FGF12: variants seen among roughly 807,000 people sequenced by gnomAD.
The protein encoded by FGF12 is fibroblast growth factor 12B.
FGF12 carries 14 observed loss-of-function variants against 23.6 expected under a neutral mutation model. That is an observed-to-expected ratio of 0.59 (90% confidence interval 0.39 to 0.93). The LOEUF (loss-of-function observed/expected upper bound fraction) is 0.93. Ranked by LOEUF, FGF12 falls within the 40% of genes least tolerant of loss-of-function variation. The probability of loss-of-function intolerance (pLI) is 0.00; values close to 1 mark genes in which losing one functional copy is unlikely to be tolerated. For missense variants in FGF12, 175 were observed against 217.8 expected (o/e 0.80, Z 1.24); for synonymous variants, 62 against 77.3 (o/e 0.80, Z 1.04).
intron 2 of FGF12, among the ~76,000 whole-genome samples, chr3:192,678,934 C>T (rs1717420636): frequency 6.6e-6 from 1 of 152,102 alleles, no homozygotes; most frequent in Non-Finnish European, 1.5e-5. Context: ...CCTTGCTGGG[C>T]CTACTCCAGA....
At chr3:192,442,838 C>T (rs1313929371) in intron 2 of FGF12, among the ~76,000 whole-genome samples, 1 of 148,066 alleles carries the variant, frequency 6.8e-6, no homozygotes, top group Non-Finnish European at 1.5e-5. Flanking sequence ...GACAGAGTCT[C>T]ATTCTGTCAC....
chr3:192,169,538 C>G (rs944758218), intron 5 of FGF12, among the ~76,000 whole-genome samples: 1 of 152,068 alleles, frequency 6.6e-6, no homozygotes, highest in Admixed American at 6.6e-5. Flanking sequence ...ATGCACCAGG[C>G]ATTGTGTACA....
intron 2 of FGF12, among the ~76,000 whole-genome samples, chr3:192,679,096 A>G (rs1339444759): frequency 6.6e-6 from 1 of 152,198 alleles, no homozygotes; most frequent in Non-Finnish European, 1.5e-5. Context: ...ATTTTAAGCG[A>G]AAAAGAAATG....
intron 2 of FGF12, among the ~76,000 whole-genome samples, chr3:192,579,695 G>A (rs4687345): frequency 0.16 from 24,134 of 152,108 alleles, 2,445 homozygotes; most frequent in East Asian, 0.45. Context: ...TCAGCCTCCC[G>A]AGTAGCTGGG....
intron 2 of FGF12, among the ~76,000 whole-genome samples, chr3:192,589,459 C>T (rs1713533664): frequency 6.6e-6 from 1 of 151,712 alleles, no homozygotes; most frequent in South Asian, 2.1e-4. Flanking sequence ...TAAAGACTTG[C>T]AAATCACAAT....
chr3:192,581,333 AGG>A (rs1199277341), intron 2 of FGF12, among the ~76,000 whole-genome samples: 1 of 151,862 alleles, frequency 6.6e-6, no homozygotes, highest in Non-Finnish European at 1.5e-5. Context: ...TGGGAGGCTG[AGG>A]CAGGAGGATG....
intron 2 of FGF12, among the ~76,000 whole-genome samples, chr3:192,607,938 A>G (rs1000354523): frequency 1.3e-5 from 2 of 151,980 alleles, no homozygotes; most frequent in Non-Finnish European, 2.9e-5. Context: ...TGAATTCCGC[A>G]TCACAAAAAC....
At chr3:192,421,142 T>C (rs1054160031) in intron 2 of FGF12, among the ~76,000 whole-genome samples, 9 of 152,120 alleles carry the variant, frequency 5.9e-5, no homozygotes, top group Admixed American at 3.3e-4. Flanking sequence ...ATGCACAGTA[T>C]TATCTTTAAA....
At chr3:192,669,048 G>A (rs1053606507) in intron 2 of FGF12, among the ~76,000 whole-genome samples, 1 of 152,116 alleles carries the variant, frequency 6.6e-6, no homozygotes, top group Non-Finnish European at 1.5e-5. Context: ...AAAATTGTTA[G>A]AGCATAAAAG....
At chr3:192,720,739 T>C (rs1719014973) in intron 2 of FGF12, among the ~76,000 whole-genome samples, 1 of 152,184 alleles carries the variant, frequency 6.6e-6, no homozygotes, top group African/African-American at 2.4e-5. Flanking sequence ...AGAAGTCCTA[T>C]AGTGCTCCTG....
intron 2 of FGF12, among the ~76,000 whole-genome samples, chr3:192,726,222 A>C (rs1408102079): frequency 1.3e-5 from 2 of 152,216 alleles, no homozygotes; most frequent in African/African-American, 4.8e-5. Context: ...TCTTGTTTCA[A>C]ATATAGCTTC....
intron 4 of FGF12, among the ~76,000 whole-genome samples, chr3:192,203,392 A>C (rs1717476993): frequency 1.3e-5 from 2 of 152,104 alleles, no homozygotes; most frequent in African/African-American, 4.8e-5. Context: ...ATTCATTTGC[A>C]CATATCCTTA....
chr3:192,452,399 T>C (rs1722550405), intron 2 of FGF12, among the ~76,000 whole-genome samples: 1 of 144,224 alleles, frequency 6.9e-6, no homozygotes. Flanking sequence ...TTAATGGATT[T>C]GATTTGTCAG....
At chr3:192,346,033 T>G (rs947274005) in intron 3 of FGF12, among the ~76,000 whole-genome samples, 1 of 109,094 alleles carries the variant, frequency 9.2e-6, no homozygotes, top group Non-Finnish European at 1.7e-5. Context: ...TTTTTTTTTT[T>G]AGAAATTAGG....
intron 2 of FGF12, among the ~76,000 whole-genome samples, chr3:192,595,300 C>T (rs1713792347): frequency 6.6e-6 from 1 of 152,228 alleles, no homozygotes; most frequent in African/African-American, 2.4e-5. Flanking sequence ...ACCTGCTTCA[C>T]ATTCCTAAAT....
intron 2 of FGF12, among the ~76,000 whole-genome samples, chr3:192,423,124 G>C (rs1473539636): frequency 6.6e-6 from 1 of 152,086 alleles, no homozygotes; most frequent in African/African-American, 2.4e-5. Context: ...GAAAATTGTG[G>C]GTAAGACTTA....
chr3:192,143,662 T>C lies in FGF12; in HGVS notation c.*347A>G, dbSNP rs1713533336. ...ATTCTCCAAATCCTTTCCTTTAAAG[T>C]AATAAGTTTATTTCATCTTTATTAA... On this transcript the variant is annotated 3_prime_UTR_variant, in exon 6 of 6. Coordinates refer to ENST00000445105, the MANE Select transcript of FGF12 (RefSeq NM_004113.6). 1.1e-5 allele frequency: 2 copies of C among 177,834 alleles called. No individual in the cohort carries two copies. Among genetic ancestry groups the C allele is most frequent in the Admixed American group, 6.2e-5 (1 of 16,250 alleles). 11.0% of individuals were successfully genotyped at this position (177,834 alleles called of 1,614,324 possible). A position where few individuals can be genotyped will look rare whatever the true frequency, so the allele number is the denominator to read the frequency against.
At chr3:192,371,372 T>C (rs528117185) in intron 2 of FGF12, among the ~76,000 whole-genome samples, 2 of 152,352 alleles carry the variant, frequency 1.3e-5, no homozygotes, top group African/African-American at 4.8e-5. Flanking sequence ...TTCCTGATCT[T>C]ATCCCAAACG....
chr3:192,537,556 G>T (rs1189075633), intron 2 of FGF12, among the ~76,000 whole-genome samples: 1 of 152,192 alleles, frequency 6.6e-6, no homozygotes, highest in African/African-American at 2.4e-5. Context: ...AATCAGTGAT[G>T]CTGAGCATAT....
Sources: allele counts gnomAD v4.1 joint callset (sites outside exome capture counted in the v4.1 genomes callset), GRCh38; gene constraint gnomAD v4.1.1; transcripts MANE v1.5; gene names NCBI Gene and HGNC (gene_info 2026-07-23, HGNC 2026-07-21).